Variants in ROBO2 observed in about 807,000 individuals in gnomAD.
ROBO2 encodes the protein roundabout homolog 2.
In ROBO2, 53 loss-of-function variants were observed where a neutral mutation model predicts 160.8. The ratio of observed to expected loss-of-function variants is 0.33; its 90% CI spans 0.26 to 0.41. The LOEUF (loss-of-function observed/expected upper bound fraction) is 0.41, where lower values mean the gene tolerates loss of function less well. Among genes scored for constraint, ROBO2 ranks in the 10% least tolerant of loss-of-function variants. The pLI, the probability that ROBO2 is intolerant of heterozygous loss-of-function variation, is 1.00. For synonymous variants in ROBO2, 664 were observed against 611.7 expected (o/e 1.09, Z -1.26); for missense variants, 1,577 against 1,722.4 (o/e 0.92, Z 1.49).
intron 2 of ROBO2, among the ~76,000 whole-genome samples, chr3:77,200,655 C>T (rs62251825): frequency 0.1 from 15,756 of 151,912 alleles, 1,574 homozygotes; most frequent in African/African-American, 0.26. Context: ...GGCTATAGTT[C>T]AGCTCCTTTC....
At chr3:77,094,902 T>G (rs2070834047) in intron 1 of ROBO2, among the ~76,000 whole-genome samples, 1 of 152,204 alleles carries the variant, frequency 6.6e-6, no homozygotes, top group South Asian at 2.1e-4. Flanking sequence ...ATATTTTTAT[T>G]GAGTTATGAG....
intron 1 of ROBO2, among the ~76,000 whole-genome samples, chr3:77,081,771 T>G (rs1438578968): frequency 2.6e-5 from 4 of 152,200 alleles, no homozygotes; most frequent in Non-Finnish European, 5.9e-5. Context: ...TAGCTATAAA[T>G]GGAGATGTAG....
At chr3:76,625,092 A>G (rs1032279625) in intron 2 of ROBO2, among the ~76,000 whole-genome samples, 3 of 152,154 alleles carry the variant, frequency 2.0e-5, no homozygotes, top group Admixed American at 1.3e-4. Context: ...TAGTAAAATA[A>G]CAGAACTTAG....
intron 2 of ROBO2, among the ~76,000 whole-genome samples, chr3:76,677,012 A>G (rs1429506556): frequency 6.6e-6 from 1 of 152,210 alleles, no homozygotes; most frequent in South Asian, 2.1e-4. Flanking sequence ...GAAATAGCAG[A>G]AAGACATTAT....
chr3:77,644,795 A>C, exon 25 of ROBO2: 1 of 1,614,010 alleles, frequency 6.2e-7, no homozygotes, highest in Non-Finnish European at 8.5e-7. Flanking sequence ...GATCCACTGG[A>C]CCTAGGAAAA....
intron 2 of ROBO2, among the ~76,000 whole-genome samples, chr3:76,216,566 C>T (rs1035547660): frequency 6.6e-6 from 1 of 152,064 alleles, no homozygotes; most frequent in Non-Finnish European, 1.5e-5. Flanking sequence ...ACAAAGAAGG[C>T]CATTACGTAA....
Position 77,244,387 on chromosome 3 carries a change from T to G in ROBO2, c.388+146047T>G, listed in dbSNP as rs115253032. Among the ~76,000 whole-genome samples the G allele has an allele frequency of 3.2e-3, 485 of 152,206 alleles. 2 individuals carry two copies. Among genetic ancestry groups the G allele is most frequent in the Non-Finnish European group, 3.6e-3 (248 of 68,022 alleles). On this transcript the variant is annotated intron_variant, in intron 2 of 25. Coordinates refer to ENST00000461745, the Ensembl canonical transcript of ROBO2. ...ATACAACTGTTGGACTTAGGAAGGA[T>G]TTCAGTAGTTTAAGAGACAAAAAGA...
At chr3:77,050,028 A>G (rs1297003660) in intron 1 of ROBO2, among the ~76,000 whole-genome samples, 1 of 152,226 alleles carries the variant, frequency 6.6e-6, no homozygotes, top group African/African-American at 2.4e-5. Context: ...TAGAAGTTTT[A>G]TAATACGTAT....
At chr3:76,454,265 A>G (rs768452255) in intron 2 of ROBO2, among the ~76,000 whole-genome samples, 2 of 152,220 alleles carry the variant, frequency 1.3e-5, no homozygotes, top group Admixed American at 6.5e-5. Context: ...GTGGAAAGAA[A>G]TATGAATAAT....
intron 2 of ROBO2, among the ~76,000 whole-genome samples, chr3:76,059,472 A>C (rs967744482): frequency 6.6e-6 from 1 of 151,962 alleles, no homozygotes; most frequent in Non-Finnish European, 1.5e-5. Flanking sequence ...CTATTCATAT[A>C]CTTTGCCCAC....
At chr3:76,056,597 G>A (rs556407050) in intron 2 of ROBO2, among the ~76,000 whole-genome samples, 8 of 152,122 alleles carry the variant, frequency 5.3e-5, no homozygotes, top group Admixed American at 2.6e-4. Flanking sequence ...AAAGAAAAAG[G>A]TTCTTACATG....
intron 2 of ROBO2, among the ~76,000 whole-genome samples, chr3:76,260,941 G>A (rs920365376): frequency 2.0e-5 from 3 of 151,810 alleles, no homozygotes; most frequent in Admixed American, 6.6e-5. Flanking sequence ...CATAAAATAG[G>A]ATATAAGGAA....
intron 2 of ROBO2, among the ~76,000 whole-genome samples, chr3:77,117,358 C>T (rs1579120075): frequency 6.6e-6 from 1 of 152,234 alleles, no homozygotes; most frequent in East Asian, 1.9e-4. Flanking sequence ...AACTCAAATA[C>T]CTATGATACT....
chr3:76,720,832 C>T (rs1275213595), intron 2 of ROBO2, among the ~76,000 whole-genome samples: 1 of 152,166 alleles, frequency 6.6e-6, no homozygotes, highest in African/African-American at 2.4e-5. Context: ...ATTTATAATT[C>T]TAGTCATCAA....
chr3:76,388,647 C>T (rs1352815147), intron 2 of ROBO2, among the ~76,000 whole-genome samples: 1 of 152,046 alleles, frequency 6.6e-6, no homozygotes, highest in African/African-American at 2.4e-5. Context: ...AACTGAGCTA[C>T]TTGTAATTTT....
chr3:76,371,399 T>C (rs1157540744), intron 2 of ROBO2, among the ~76,000 whole-genome samples: 1 of 151,984 alleles, frequency 6.6e-6, no homozygotes, highest in Non-Finnish European at 1.5e-5. Flanking sequence ...CATTTGCTGA[T>C]GTGAGAAAAA....
chr3:76,173,558 T>C (rs2073121270), intron 2 of ROBO2, among the ~76,000 whole-genome samples: 1 of 151,574 alleles, frequency 6.6e-6, no homozygotes, highest in Non-Finnish European at 1.5e-5. Context: ...TTCCGCTTCC[T>C]GTGTCCATGT....
intron 2 of ROBO2, among the ~76,000 whole-genome samples, chr3:76,953,161 G>T (rs1323239827): frequency 1.3e-5 from 2 of 152,146 alleles, no homozygotes; most frequent in African/African-American, 2.4e-5. Flanking sequence ...TGAGAAGGTT[G>T]ACTTTGCTAA....
intron 2 of ROBO2, among the ~76,000 whole-genome samples, chr3:75,977,820 T>G (rs1412048842): frequency 6.6e-6 from 1 of 151,540 alleles, no homozygotes; most frequent in African/African-American, 2.4e-5. Flanking sequence ...TATTTACAAC[T>G]TGTGGTATTT....
Sources: gnomAD v4.1 joint callset for allele counts (sites outside exome capture counted in the v4.1 genomes callset) on GRCh38, gnomAD v4.1.1 for gene constraint, MANE v1.5 for transcripts, NCBI Gene and HGNC (gene_info 2026-07-23, HGNC 2026-07-21) for gene names.